RBFOX1: variants seen among roughly 807,000 people sequenced by gnomAD.
RBFOX1 encodes RNA binding protein fox-1 homolog 1.
In RBFOX1, 8 loss-of-function variants were observed where a neutral mutation model predicts 57.7. The ratio of observed to expected loss-of-function variants is 0.14; its 90% confidence interval spans 0.08 to 0.25. The LOEUF (loss-of-function observed/expected upper bound fraction) is 0.25. Among genes scored for constraint, RBFOX1 ranks in the 10% least tolerant of loss-of-function variants. The pLI, the probability that RBFOX1 is intolerant of heterozygous loss-of-function variation, is 1.00. For missense variants in RBFOX1, 611 were observed against 548.5 expected (o/e 1.11, Z -1.14); for synonymous variants, 326 against 222.4 (o/e 1.47, Z -4.15).
intron 4 of RBFOX1, among the ~76,000 whole-genome samples, chr16:7,486,680 G>T (rs1375183910): frequency 6.6e-6 from 1 of 152,090 alleles, no homozygotes; most frequent in Non-Finnish European, 1.5e-5. Context: ...GTTATGATCT[G>T]GGTGGTATCT....
At chr16:7,012,508 A>G (rs2093699681) in intron 3 of RBFOX1, among the ~76,000 whole-genome samples, 1 of 152,198 alleles carries the variant, frequency 6.6e-6, no homozygotes. Flanking sequence ...ACTGCCTGGA[A>G]CAGACAGTGA....
intron 4 of RBFOX1, among the ~76,000 whole-genome samples, chr16:5,930,964 G>C (rs1297447143): frequency 6.7e-6 from 1 of 149,790 alleles, no homozygotes; most frequent in Admixed American, 6.6e-5. Context: ...GAGGGTGGAT[G>C]GATGGATGCA....
At chr16:6,195,351 C>T (rs1487331402) in intron 1 of RBFOX1, among the ~76,000 whole-genome samples, 1 of 152,124 alleles carries the variant, frequency 6.6e-6, no homozygotes, top group East Asian at 1.9e-4. Flanking sequence ...CCTTAAAAGT[C>T]AATCAGGAGT....
chr16:7,445,658 A>G (rs1455230204), intron 4 of RBFOX1, among the ~76,000 whole-genome samples: 1 of 151,974 alleles, frequency 6.6e-6, no homozygotes, highest in Non-Finnish European at 1.5e-5. Context: ...GAAATTCAAA[A>G]TACAAGATCT....
chr16:5,819,904 C>A (rs564808481), intron 3 of RBFOX1, among the ~76,000 whole-genome samples: 5 of 152,308 alleles, frequency 3.3e-5, no homozygotes, highest in Admixed American at 2.6e-4. Flanking sequence ...CATCACTCAC[C>A]TCCGTTAGAG....
At chr16:7,161,212 G>T (rs1285107085) in intron 4 of RBFOX1, among the ~76,000 whole-genome samples, 3 of 152,160 alleles carry the variant, frequency 2.0e-5, no homozygotes, top group Admixed American at 6.5e-5. Context: ...ATGATGATGA[G>T]GTCATAGGCA....
chr16:6,326,418 A>C (rs1465054335), intron 2 of RBFOX1, among the ~76,000 whole-genome samples: 6 of 152,188 alleles, frequency 3.9e-5, no homozygotes, highest in Non-Finnish European at 7.3e-5. Flanking sequence ...TCAGGAATGT[A>C]AGGATGTGAT....
intron 3 of RBFOX1, among the ~76,000 whole-genome samples, chr16:6,834,267 G>C (rs546552552): frequency 3.9e-5 from 6 of 152,036 alleles, no homozygotes; most frequent in Admixed American, 3.3e-4. Context: ...TAGAGATGGG[G>C]GTTTCACCAC....
At chr16:6,823,192 T>A (rs1190449688) in intron 3 of RBFOX1, among the ~76,000 whole-genome samples, 1 of 152,102 alleles carries the variant, frequency 6.6e-6, no homozygotes, top group Non-Finnish European at 1.5e-5. Flanking sequence ...TGTTCCTTCT[T>A]AAGCATTAAG....
At chr16:5,372,373 T>C (rs1295291966) in intron 1 of RBFOX1, among the ~76,000 whole-genome samples, 1 of 152,202 alleles carries the variant, frequency 6.6e-6, no homozygotes, top group Non-Finnish European at 1.5e-5. Context: ...GTGAGGTCTA[T>C]GTATTGGGTG....
At chr16:6,684,853 T>G (rs1006951231) in intron 3 of RBFOX1, among the ~76,000 whole-genome samples, 1 of 152,202 alleles carries the variant, frequency 6.6e-6, no homozygotes, top group Admixed American at 6.5e-5. Flanking sequence ...GTCTTTAGAG[T>G]GAGTAATCCT....
At chr16:5,903,427 T>C (rs74004698) in intron 4 of RBFOX1, among the ~76,000 whole-genome samples, 2,826 of 152,212 alleles carry the variant, frequency 0.019, 99 homozygotes, top group African/African-American at 0.064. Context: ...GGCAGATCCC[T>C]GTTTGCAAAA....
intron 4 of RBFOX1, among the ~76,000 whole-genome samples, chr16:5,998,898 A>AT (rs2060537528): frequency 6.6e-6 from 1 of 151,950 alleles, no homozygotes; most frequent in Non-Finnish European, 1.5e-5. Context: ...GTTCATCTGG[A>AT]TTTTTTCTAA....
chr16:6,977,937 G>GGAAA (rs774553742), intron 3 of RBFOX1, among the ~76,000 whole-genome samples: 1 of 79,474 alleles, frequency 1.3e-5, no homozygotes, highest in African/African-American at 4.2e-5. Flanking sequence ...CCTCCCCAGG[G>GGAAA]AAAAAAAAAA....
At chr16:7,465,423 A>AAT (rs1365405533) in intron 4 of RBFOX1, among the ~76,000 whole-genome samples, 1 of 152,174 alleles carries the variant, frequency 6.6e-6, no homozygotes, top group Non-Finnish European at 1.5e-5. Flanking sequence ...ATGTAAGTGA[A>AAT]ATAGGTGTTT....
At chr16:5,543,005 G>C (rs1329041233) in intron 2 of RBFOX1, among the ~76,000 whole-genome samples, 1 of 152,196 alleles carries the variant, frequency 6.6e-6, no homozygotes, top group Admixed American at 6.5e-5. Context: ...ATAAGACATT[G>C]GGTAGAGTAA....
At chr16:6,242,631 C>CACAT (rs1164972584) in intron 1 of RBFOX1, among the ~76,000 whole-genome samples, 1 of 102,500 alleles carries the variant, frequency 9.8e-6, no homozygotes, top group Non-Finnish European at 1.9e-5. Context: ...TTATTGCAAA[C>CACAT]ACACACACAC....
intron 1 of RBFOX1, among the ~76,000 whole-genome samples, chr16:5,339,390 G>T (rs753689227): frequency 1.3e-5 from 2 of 148,268 alleles, no homozygotes; most frequent in Non-Finnish European, 3.0e-5. Context: ...CAAAGGCAAT[G>T]GTCCTTATGA....
At chr16:7,211,405 A>AAAAAG (rs1160058027) in intron 4 of RBFOX1, among the ~76,000 whole-genome samples, 3 of 151,562 alleles carry the variant, frequency 2.0e-5, no homozygotes, top group African/African-American at 7.3e-5. Context: ...AAAAAAAAAA[A>AAAAAG]AAAAAAATTG....
Sources: gnomAD v4.1 joint callset for allele counts (sites outside exome capture counted in the v4.1 genomes callset) on GRCh38, gnomAD v4.1.1 for gene constraint, MANE v1.5 for transcripts, NCBI Gene and HGNC (gene_info 2026-07-23, HGNC 2026-07-21) for gene names.